MID1: variants seen among roughly 807,000 people sequenced by gnomAD.
MID1 encodes the protein E3 ubiquitin-protein ligase Midline-1.
In MID1, 7 loss-of-function variants were observed where a neutral mutation model predicts 40.4. That is an observed-to-expected ratio of 0.17 (90% CI 0.10 to 0.33). The LOEUF (loss-of-function observed/expected upper bound fraction) is 0.33, where lower values mean the gene tolerates loss of function less well. Among genes scored for constraint, MID1 ranks in the 10% least tolerant of loss-of-function variants. The probability of loss-of-function intolerance (pLI) is 1.00; values close to 1 mark genes in which losing one functional copy is unlikely to be tolerated. For missense variants in MID1, 367 were observed against 558.5 expected, an observed-to-expected ratio of 0.66 and a Z score of 3.46; for synonymous variants, 229 against 221.2, an observed-to-expected ratio of 1.04 and a Z score of -0.31.
intron 1 of MID1, among the ~76,000 whole-genome samples, chrX:10,649,432 C>T (rs990733307): frequency 8.9e-6 from 1 of 111,920 alleles, no homozygotes. Flanking sequence ...GAGAAATCTA[C>T]CTCTCCTTCT....
intron 4 of MID1, among the ~76,000 whole-genome samples, chrX:10,492,521 G>A (rs769537844): frequency 3.0e-4 from 33 of 111,787 alleles, no homozygotes; most frequent in African/African-American, 1.0e-3. Context: ...ATGTGACTTT[G>A]CTAAAAGCTA....
chrX:10,654,569 C>T (rs995416139), intron 1 of MID1, among the ~76,000 whole-genome samples: 1 of 111,814 alleles, frequency 8.9e-6, no homozygotes, highest in African/African-American at 3.3e-5. Context: ...CTATGAGAGT[C>T]TAATGCCGCC....
chrX:10,802,324 C>A (rs1181470513), intron 1 of MID1, among the ~76,000 whole-genome samples: 2 of 111,830 alleles, frequency 1.8e-5, no homozygotes, highest in African/African-American at 6.5e-5. Context: ...GGAACTTAAA[C>A]AACTGAACAT....
intron 1 of MID1, among the ~76,000 whole-genome samples, chrX:10,758,584 A>G (rs1413272106): frequency 1.1e-5 from 1 of 93,434 alleles, no homozygotes; most frequent in East Asian, 3.4e-4. Context: ...TCCGCCTCCC[A>G]GGTTCATGCC....
intron 1 of MID1, among the ~76,000 whole-genome samples, chrX:10,681,251 T>C (rs1329263198): frequency 9.0e-6 from 1 of 111,221 alleles, no homozygotes; most frequent in African/African-American, 3.3e-5. Context: ...TTTTATCTAC[T>C]GCTGCATAAC....
intron 1 of MID1, among the ~76,000 whole-genome samples, chrX:10,686,153 C>T (rs767742029): frequency 2.0e-4 from 22 of 111,421 alleles, no homozygotes; most frequent in African/African-American, 7.2e-4. Context: ...CTATCATCAC[C>T]ATGGCTCAGA....
In MID1 at chrX:10,611,241, TCA is replaced by T. The variant is rs1165314513; in HGVS notation, c.-57+9047_-57+9048del. Among the ~76,000 whole-genome samples the T allele has an allele frequency of 1.8e-5, 2 of 112,329 alleles. 1 individual carries two copies. Among genetic ancestry groups the T allele is most frequent in the Admixed American group, 1.9e-4 (2 of 10,604 alleles). ...GATGTAAGTTGATCACTTGAAGAAC[TCA>T]CACTCTTTGAAGATTAGAATTCATA... On this transcript the variant is annotated intron_variant, in intron 1 of 9. Coordinates refer to ENST00000317552, the MANE Select transcript of MID1 (RefSeq NM_000381.4).
intron 1 of MID1, among the ~76,000 whole-genome samples, chrX:10,788,631 G>T (rs777650028): frequency 9.0e-6 from 1 of 110,743 alleles, no homozygotes; most frequent in Admixed American, 9.6e-5. Flanking sequence ...TGCCACCCAG[G>T]GATTTTCAGC....
At chrX:10,639,994 T>C (rs368364295) in intron 1 of MID1, among the ~76,000 whole-genome samples, 8 of 111,466 alleles carry the variant, frequency 7.2e-5, no homozygotes, top group East Asian at 2.8e-4. Flanking sequence ...CAGGCCTGCC[T>C]TACAAGAGCT....
chrX:10,668,285 G>A (rs772488073), intron 1 of MID1, among the ~76,000 whole-genome samples: 11 of 111,751 alleles, frequency 9.8e-5, no homozygotes, highest in African/African-American at 1.6e-4. Context: ...TATTCATGTC[G>A]TTCTAATACA....
At chrX:10,696,685 A>G (rs773183735) in intron 1 of MID1, among the ~76,000 whole-genome samples, 1 of 112,031 alleles carries the variant, frequency 8.9e-6, no homozygotes, top group Non-Finnish European at 1.9e-5. Flanking sequence ...AATAAAATAT[A>G]TTATGACAAT....
chrX:10,747,783 C>T (rs1446493172), intron 1 of MID1, among the ~76,000 whole-genome samples: 3 of 112,036 alleles, frequency 2.7e-5, no homozygotes, highest in Admixed American at 9.5e-5. Context: ...CCACTCATTA[C>T]GTGTTCCTTC....
chrX:10,638,931 T>C (rs1936154460), intron 1 of MID1, among the ~76,000 whole-genome samples: 1 of 112,347 alleles, frequency 8.9e-6, no homozygotes, highest in Admixed American at 9.4e-5. Context: ...CCAGCAGACC[T>C]GCAGCTGAGA....
intron 1 of MID1, among the ~76,000 whole-genome samples, chrX:10,602,923 C>T (rs769048963): frequency 5.3e-5 from 6 of 112,517 alleles, no homozygotes; most frequent in Middle Eastern, 4.6e-3. Flanking sequence ...CTAAGCTCTT[C>T]GCAACCTTCC....
At chrX:10,519,235 ATTCT>A (rs1425330557) in intron 3 of MID1, among the ~76,000 whole-genome samples, 8 of 111,760 alleles carry the variant, frequency 7.2e-5, no homozygotes, top group African/African-American at 9.8e-5. Flanking sequence ...AAGAGAAATA[ATTCT>A]TTCTTACTAT....
At chrX:10,603,259 C>G (rs1035130047) in intron 1 of MID1, among the ~76,000 whole-genome samples, 1 of 111,652 alleles carries the variant, frequency 9.0e-6, no homozygotes, top group Admixed American at 9.6e-5. Flanking sequence ...GGGTATCAGA[C>G]AAGCAAAGAA....
chrX:10,749,116 T>G (rs1428170049), intron 1 of MID1, among the ~76,000 whole-genome samples: 3 of 111,556 alleles, frequency 2.7e-5, no homozygotes, highest in African/African-American at 9.8e-5. Flanking sequence ...CTATCCTCTC[T>G]TCCAACATTG....
intron 1 of MID1, among the ~76,000 whole-genome samples, chrX:10,577,812 G>A (rs1288772212): frequency 9.6e-6 from 1 of 104,325 alleles, no homozygotes. Flanking sequence ...GGAAGGGGAA[G>A]TAGTCTTCCT....
At chrX:10,518,573 A>T (rs1298784707) in intron 3 of MID1, among the ~76,000 whole-genome samples, 1 of 111,463 alleles carries the variant, frequency 9.0e-6, no homozygotes, top group Admixed American at 9.6e-5. Flanking sequence ...GAAGTTAAAA[A>T]AATCTTTGAT....
Sources: allele counts gnomAD v4.1 joint callset (sites outside exome capture counted in the v4.1 genomes callset), GRCh38; gene constraint gnomAD v4.1.1; transcripts MANE v1.5; gene names NCBI Gene and HGNC (gene_info 2026-07-23, HGNC 2026-07-21).